ADAMTS18: variants seen among roughly 807,000 people sequenced by gnomAD.
The protein encoded by ADAMTS18 is ADAM metallopeptidase with thrombospondin type 1 motif 18, also known as A disintegrin and metalloproteinase with thrombospondin motifs 18.
In ADAMTS18, 157 loss-of-function variants were observed where a neutral mutation model predicts 165.9. That is an observed-to-expected ratio of 0.95 (90% confidence interval 0.83 to 1.08). The LOEUF (loss-of-function observed/expected upper bound fraction) is 1.08. ADAMTS18 is among the 50% of genes least tolerant of loss of function. The pLI, the probability that ADAMTS18 is intolerant of heterozygous loss-of-function variation, is 0.00. For missense variants in ADAMTS18, 2,040 were observed against 1,534.0 expected (o/e 1.33, Z -5.51); for synonymous variants, 782 against 578.2 (o/e 1.35, Z -5.06).
chr16:77,339,021 A>G (rs1448255791), intron 11 of ADAMTS18, among the ~76,000 whole-genome samples: 1 of 152,148 alleles, frequency 6.6e-6, no homozygotes, highest in African/African-American at 2.4e-5. Context: ...CACAGTACAA[A>G]TATCGCTGAA....
Position 77,359,420 on chromosome 16 carries a change from A to G in ADAMTS18, c.1220T>C (p.Phe407Ser), listed in dbSNP as rs1227929545. 8 of 1,613,180 alleles carry G rather than the reference A, an allele frequency of 5.0e-6. No individual in the cohort carries two copies. The South Asian group carries it at 8.8e-5, about 18-fold the overall frequency. ...AGAGCACATTCCACTGATGGGGGCA[A>G]ACCCTATTGAAAGAGCAGTTTCAAA... ...WKNEPCDTLGFAPISGMCSKY... is the reference protein window; with the variant it reads ...WKNEPCDTLGSAPISGMCSKY... The change falls in exon 8 of 23, where the codon TTT becomes TCT. Residue 407 changes from phenylalanine to serine, a missense_variant. Transcript: ENST00000282849.
rs2650907 is a variant in ADAMTS18, at chr16:77,359,310, G to C, written c.1322+8C>G. The stretch of plus-strand genomic sequence containing the variant: ...TCACATAAAGTAGTGGTTCAAAGAG[G>C]CACTTACTTGTGCCCTGACTCATGA... On this transcript the variant is annotated splice_region_variant and intron_variant, in intron 8 of 22. Transcript: ENST00000282849. 0.57 allele frequency: 910,981 copies of C among 1,610,402 alleles called. 263,511 individuals are homozygous for C. Among genetic ancestry groups the C allele is most frequent in the Non-Finnish European group, 0.59 (697,628 of 1,177,624 alleles).
At position 77,291,429 on chromosome 16, in the gene ADAMTS18, C is replaced by T. The variant is rs1597081818; in HGVS notation, c.3239G>A (p.Ser1080Asn). 1.9e-6 allele frequency: 3 copies of T among 1,614,184 alleles called. No individual in the cohort carries two copies. Among genetic ancestry groups the T allele is most frequent in the Non-Finnish European group, 2.5e-6 (3 of 1,180,022 alleles). Residue 1080 changes from serine to asparagine, a missense_variant, in exon 21 of 23, where the codon AGC becomes AAC. Coordinates refer to ENST00000282849, the MANE Select transcript of ADAMTS18 (RefSeq NM_199355.4). Reference protein sequence around the residue: ...LGVRKREMKCSEKGFQGKLIT... With the variant: ...LGVRKREMKCNEKGFQGKLIT... ...CAGCTTTCCCTGGAAGCCCTTCTCG[C>T]TGCACTTCATCTCCCTCTTCCTCAC...
At chr16:77,354,552 T>C (rs1223802604) in intron 9 of ADAMTS18, among the ~76,000 whole-genome samples, 1 of 148,140 alleles carries the variant, frequency 6.8e-6, no homozygotes, top group Non-Finnish European at 1.5e-5. Flanking sequence ...ATAATTAAAA[T>C]GTGGTACCAC....
chr16:77,411,895 G>C lies in ADAMTS18; in HGVS notation c.495+19400C>G, dbSNP rs565600040. Among the ~76,000 whole-genome samples the C allele has an allele frequency of 2.6e-5, 4 of 151,752 alleles. No individual in the cohort carries two copies. In the South Asian group the frequency reaches 8.4e-4, roughly 32 times the overall value. On this transcript the variant is annotated intron_variant, in intron 3 of 22. Coordinates refer to ENST00000282849, the MANE Select transcript of ADAMTS18 (RefSeq NM_199355.4). ...ATAGAGACGGGGTTTCACCATGTTG[G>C]CCAGGATGGTCTTGAACTCCTGACC...
In ADAMTS18 at chr16:77,430,505, C is replaced by G. The variant is rs149887459; in HGVS notation, c.495+790G>C. On this transcript the variant is annotated intron_variant, in intron 3 of 22. Coordinates refer to ENST00000282849, the MANE Select transcript of ADAMTS18 (RefSeq NM_199355.4). Reference sequence around the variant, plus strand: ...TCACATTTTCCTTCTTCTGGCCATGCCAGAGCACAATCACCATGTGTCTCA... The same window carrying G: ...TCACATTTTCCTTCTTCTGGCCATGGCAGAGCACAATCACCATGTGTCTCA... Among the ~76,000 whole-genome samples, 14 of 152,330 alleles carry G rather than the reference C, an allele frequency of 9.2e-5. No homozygotes were observed. The East Asian group carries it at 2.5e-3, about 27-fold the overall frequency.
intron 8 of ADAMTS18, 43 bp from the exon 9 acceptor site, chr16:77,356,120 A>G (rs1567508616): frequency 5.0e-6 from 8 of 1,613,542 alleles, no homozygotes; most frequent in Admixed American, 3.3e-5. Context: ...TTGTGAACCC[A>G]TTTTTTTGAA....
intron 3 of ADAMTS18, among the ~76,000 whole-genome samples, chr16:77,420,684 A>T (rs566337710): frequency 1.3e-5 from 2 of 152,348 alleles, no homozygotes; most frequent in African/African-American, 4.8e-5. Flanking sequence ...CTGTGACAAG[A>T]TGTAGAGATA....
At chr16:77,359,914 A>G (rs891136) in intron 7 of ADAMTS18, among the ~76,000 whole-genome samples, 80,588 of 151,768 alleles carry the variant, frequency 0.53, 21,883 homozygotes, top group Non-Finnish European at 0.58. Context: ...TCTAAGCAAC[A>G]TGTGCAGATT....
At chr16:77,405,545 A>G (rs2057383126) in intron 3 of ADAMTS18, among the ~76,000 whole-genome samples, 1 of 152,180 alleles carries the variant, frequency 6.6e-6, no homozygotes, top group Non-Finnish European at 1.5e-5. Flanking sequence ...TAAGCCTACA[A>G]AAGTTATTCC....
At chr16:77,292,770 T>C (rs907220902) in intron 20 of ADAMTS18, among the ~76,000 whole-genome samples, 4 of 152,166 alleles carry the variant, frequency 2.6e-5, no homozygotes, top group African/African-American at 9.7e-5. Flanking sequence ...CAAAGGAGTT[T>C]TGTGAGCCTA....
At chr16:77,288,231 G>A (rs752034487) in intron 22 of ADAMTS18, among the ~76,000 whole-genome samples, 6 of 152,048 alleles carry the variant, frequency 3.9e-5, no homozygotes, top group African/African-American at 4.8e-5. Flanking sequence ...GGTCATTGTC[G>A]TTGGGGGTGC....
At chr16:77,334,747 T>TATA (rs1567491883) in intron 12 of ADAMTS18, among the ~76,000 whole-genome samples, 3 of 116,822 alleles carry the variant, frequency 2.6e-5, no homozygotes, top group Non-Finnish European at 3.3e-5. Flanking sequence ...GTATATATAC[T>TATA]GTATACTATA....
At chr16:77,359,652 T>C (rs140370470) in intron 7 of ADAMTS18, among the ~76,000 whole-genome samples, 26 of 152,328 alleles carry the variant, frequency 1.7e-4, no homozygotes, top group African/African-American at 5.3e-4. Context: ...TTGTTATCAA[T>C]TGATCCTTGT....
chr16:77,408,378 T>A (rs544879371), intron 3 of ADAMTS18, among the ~76,000 whole-genome samples: 2 of 152,062 alleles, frequency 1.3e-5, no homozygotes, highest in Non-Finnish European at 2.9e-5. Flanking sequence ...ATGAGTACAT[T>A]TGAACCATAA....
intron 3 of ADAMTS18, among the ~76,000 whole-genome samples, chr16:77,398,284 T>A (rs1183815141): frequency 6.6e-6 from 1 of 151,718 alleles, no homozygotes; most frequent in African/African-American, 2.4e-5. Context: ...GCCACTGCAC[T>A]ACAGCCTGAG....
At chr16:77,300,685 T>TACAC (rs1044553705) in intron 16 of ADAMTS18, among the ~76,000 whole-genome samples, 1 of 151,968 alleles carries the variant, frequency 6.6e-6, no homozygotes, top group Admixed American at 6.6e-5. Flanking sequence ...AACACATACA[T>TACAC]ACACACACAC....
chr16:77,324,223 AG>A (rs2056054545), intron 13 of ADAMTS18, among the ~76,000 whole-genome samples: 1 of 152,222 alleles, frequency 6.6e-6, no homozygotes, highest in Admixed American at 6.5e-5. Context: ...ACAGGTAGGA[AG>A]CATGGGACCT....
chr16:77,388,821 G>A (rs1466773501), intron 3 of ADAMTS18, among the ~76,000 whole-genome samples: 2 of 152,132 alleles, frequency 1.3e-5, no homozygotes, highest in African/African-American at 4.8e-5. Context: ...TTAATCCCCA[G>A]ATTCCTGGTA....
Sources: allele counts gnomAD v4.1 joint callset (sites outside exome capture counted in the v4.1 genomes callset), GRCh38; gene constraint gnomAD v4.1.1; transcripts MANE v1.5; gene names NCBI Gene and HGNC (gene_info 2026-07-23, HGNC 2026-07-21).